Variants in TLN2 observed in about 807,000 individuals in gnomAD.
The protein encoded by TLN2 is talin-2.
A neutral mutation model predicts 294.7 loss-of-function variants in TLN2; 118 were observed. That is an observed-to-expected ratio of 0.40 (90% CI 0.34 to 0.47). The LOEUF (loss-of-function observed/expected upper bound fraction) is 0.47, where lower values mean the gene tolerates loss of function less well. Among genes scored for constraint, TLN2 ranks in the 20% least tolerant of loss-of-function variants. The probability of loss-of-function intolerance (pLI) is 0.84; values close to 1 mark genes in which losing one functional copy is unlikely to be tolerated. For synonymous variants in TLN2, 1,431 were observed against 1,304.5 expected (o/e 1.10, Z -2.09); for missense variants, 3,083 against 3,282.2 (o/e 0.94, Z 1.48).
At chr15:62,668,084 A>G (rs889040743) in intron 9 of TLN2, among the ~76,000 whole-genome samples, 1 of 152,178 alleles carries the variant, frequency 6.6e-6, no homozygotes, top group Non-Finnish European at 1.5e-5. Context: ...CAAAGGGTAC[A>G]CAGGCTCAGT....
chr15:62,509,172 C>T (rs1246694818), intron 1 of TLN2, among the ~76,000 whole-genome samples: 1 of 152,158 alleles, frequency 6.6e-6, no homozygotes, highest in African/African-American at 2.4e-5. Flanking sequence ...TTCCTGTCTG[C>T]GTGTACTGGA....
intron 55 of TLN2, chr15:62,834,498 G>A (rs1026183013): frequency 6.6e-6 from 1 of 152,242 alleles, no homozygotes; most frequent in Admixed American, 6.5e-5. Flanking sequence ...GGGAGGTTGT[G>A]CCTCACCATA....
intron 1 of TLN2, among the ~76,000 whole-genome samples, chr15:62,401,406 A>G (rs2033008851): frequency 1.3e-5 from 2 of 152,332 alleles, no homozygotes; most frequent in Middle Eastern, 3.4e-3. Context: ...AGCTCTAAGT[A>G]AAGCAGAATT....
At chr15:62,619,868 A>C (rs1171056391) in intron 3 of TLN2, among the ~76,000 whole-genome samples, 2 of 152,026 alleles carry the variant, frequency 1.3e-5, no homozygotes, top group African/African-American at 4.8e-5. Context: ...GTTTGTGGTC[A>C]TTTTTTTTAG....
rs752300501 is a variant in TLN2 at position 62,840,632 on chromosome 15, G to A, written c.*22G>A. On this transcript the variant is annotated 3_prime_UTR_variant, in exon 59 of 59. Coordinates refer to ENST00000636159, the MANE Select transcript of TLN2 (RefSeq NM_015059.3). ...CTAAAGGTGCGAGCCCAGATGGCGA[G>A]CCCCAGGGGATGGCCCTGGCTGAAC... The A allele has an allele frequency of 5.4e-5, 87 of 1,610,830 alleles. No individual in the cohort carries two copies. In the East Asian group the frequency reaches 1.9e-3, roughly 36 times the overall value.
At chr15:62,799,345 A>G (rs891150167) in intron 48 of TLN2, among the ~76,000 whole-genome samples, 3 of 152,214 alleles carry the variant, frequency 2.0e-5, no homozygotes, top group African/African-American at 4.8e-5. Flanking sequence ...TGTTTTTATT[A>G]TTATAGAAAT....
At chr15:62,632,281 A>G (rs1286776837) in intron 3 of TLN2, among the ~76,000 whole-genome samples, 5 of 152,218 alleles carry the variant, frequency 3.3e-5, no homozygotes, top group Admixed American at 6.5e-5. Flanking sequence ...TCACCTGCTT[A>G]GGTCTTGTCT....
intron 28 of TLN2, among the ~76,000 whole-genome samples, chr15:62,735,482 A>G (rs76565617): frequency 0.023 from 3,452 of 152,318 alleles, 105 homozygotes; most frequent in African/African-American, 0.076. Flanking sequence ...ACATGCAAAG[A>G]TGCTCAACAT....
At chr15:62,789,179 C>G (rs1490979595) in intron 45 of TLN2, among the ~76,000 whole-genome samples, 4 of 152,184 alleles carry the variant, frequency 2.6e-5, no homozygotes, top group Admixed American at 2.0e-4. Flanking sequence ...TAGGATTGTG[C>G]AGACACACAT....
chr15:62,454,894 G>A (rs1566985500), intron 1 of TLN2, among the ~76,000 whole-genome samples: 1 of 152,046 alleles, frequency 6.6e-6, no homozygotes, highest in Non-Finnish European at 1.5e-5. Flanking sequence ...GTGACATCGG[G>A]GCAGGTGGGG....
intron 3 of TLN2, chr15:62,644,654 A>G (rs1224675231): frequency 4.4e-6 from 2 of 454,120 alleles, no homozygotes; most frequent in East Asian, 7.0e-5. Flanking sequence ...CCGCAGCCCC[A>G]GGCGTCTTGC....
At chr15:62,630,988 GA>G (rs2049756077) in intron 3 of TLN2, among the ~76,000 whole-genome samples, 1 of 152,092 alleles carries the variant, frequency 6.6e-6, no homozygotes, top group African/African-American at 2.4e-5. Context: ...AAACTTAAAA[GA>G]TTTTTTCATT....
chr15:62,475,059 A>G (rs916717266), intron 1 of TLN2, among the ~76,000 whole-genome samples: 15 of 152,104 alleles, frequency 9.9e-5, no homozygotes, highest in African/African-American at 3.4e-4. Flanking sequence ...CCAAATACCC[A>G]TTTAGTGAGG....
chr15:62,755,985 G>A (rs964833283), intron 37 of TLN2, among the ~76,000 whole-genome samples: 1 of 152,182 alleles, frequency 6.6e-6, no homozygotes, highest in South Asian at 2.1e-4. Flanking sequence ...GTTGGTTATA[G>A]GGCCTCTCTT....
intron 1 of TLN2, among the ~76,000 whole-genome samples, chr15:62,395,906 G>T (rs891178345): frequency 6.6e-6 from 1 of 152,078 alleles, no homozygotes; most frequent in Non-Finnish European, 1.5e-5. Flanking sequence ...CTTGATGTGG[G>T]CTCACTGCAA....
chr15:62,502,253 C>T (rs2039348475), intron 1 of TLN2, among the ~76,000 whole-genome samples: 1 of 152,218 alleles, frequency 6.6e-6, no homozygotes. Flanking sequence ...GGGAAAGGCA[C>T]AGTAGCTTGA....
chr15:62,842,744 ACT>A lies in TLN2; in HGVS notation c.*2137_*2138del, dbSNP rs2070836354. On this transcript the variant is annotated 3_prime_UTR_variant, in exon 59 of 59. Coordinates refer to ENST00000636159, the MANE Select transcript of TLN2 (RefSeq NM_015059.3). The stretch of plus-strand genomic sequence containing the variant: ...CAAATGCAAAGGCCTTTCCTTTATA[ACT>A]CTAAAGAACAGGCATCGAAAGTTTA... 6.6e-6 allele frequency: 1 copy of A among 152,242 alleles called. No individual in the cohort carries two copies. The highest frequency in any genetic ancestry group is 1.9e-4 in the East Asian group (1 of 5,178). 9.4% of individuals were successfully genotyped at this position (152,242 alleles called of 1,614,324 possible). A position where few individuals can be genotyped will look rare whatever the true frequency, so the allele number is the denominator to read the frequency against.
Position 62,737,038 on chromosome 15 carries a change from G to A in TLN2, c.3519G>A (p.Gln1173=). 1 of 1,614,234 alleles carries A rather than the reference G, an allele frequency of 6.2e-7. No individual in the cohort carries two copies. ...CCATGCTCATTCAAGAGGCCAAGCA[G>A]GCCCTGATTGCACCTGGAGATGCAG... is the stretch of plus-strand genomic sequence containing the variant. The part of the protein sequence containing the change: ...GSAMLIQEAK[Q]ALIAPGDAER... Residue 1173 remains glutamine, a synonymous_variant, in exon 29 of 59, where the codon CAG becomes CAA. Transcript: ENST00000636159.
chr15:62,719,240 TG>T lies in TLN2; in HGVS notation c.2878-524del, dbSNP rs144170292. On this transcript the variant is annotated intron_variant, in intron 24 of 58. Transcript: ENST00000636159. ...GTGCCTCTCTCCTTTCCCCTGGCTT[TG>T]GGCTTTCCAGTTTGAGAATGAGAAG... Among the ~76,000 whole-genome samples, 3 of 152,350 alleles carry T rather than the reference TG, an allele frequency of 2.0e-5. No individual in the cohort carries two copies. In the East Asian group the frequency reaches 5.8e-4, roughly 29 times the overall value.
Sources: allele counts gnomAD v4.1 joint callset (sites outside exome capture counted in the v4.1 genomes callset), GRCh38; gene constraint gnomAD v4.1.1; transcripts MANE v1.5; gene names NCBI Gene and HGNC (gene_info 2026-07-23, HGNC 2026-07-21).